Variants in RALGAPA1 observed in about 807,000 individuals in gnomAD.
RALGAPA1 encodes the protein Ral GTPase activating protein catalytic subunit alpha 1.
RALGAPA1 carries 52 observed loss-of-function variants against 269.6 expected under a neutral mutation model. The observed-to-expected ratio is 0.19, with a 90% CI of 0.15 to 0.24. The LOEUF (loss-of-function observed/expected upper bound fraction) is 0.24. Ranked by LOEUF, RALGAPA1 falls within the 10% of genes least tolerant of loss-of-function variation. RALGAPA1 has a pLI of 1.00. For synonymous variants in RALGAPA1, 817 were observed against 1,008.3 expected (o/e 0.81, Z 3.60); for missense variants, 1,917 against 3,013.9 (o/e 0.64, Z 8.52).
intron 35 of RALGAPA1, among the ~76,000 whole-genome samples, chr14:35,609,093 G>C (rs1319002815): frequency 2.0e-5 from 3 of 152,068 alleles, no homozygotes; most frequent in Non-Finnish European, 4.4e-5. Context: ...AGGCGTCGGT[G>C]GGGGGTGCCT....
rs561997384 is a variant in RALGAPA1, at chr14:35,586,709, A to G, written c.7209+8925T>C. On this transcript the variant is annotated intron_variant, in intron 37 of 41. Coordinates refer to ENST00000680220, the MANE Select transcript of RALGAPA1 (RefSeq NM_001346249.2). ...CTTTTCTGCATCTATTGAGATAATC[A>G]TGGATAATCATGTGGTTTTTGTCTT... is the stretch of plus-strand genomic sequence containing the variant. 7.3e-4 allele frequency among the ~76,000 whole-genome samples: 111 copies of G among 152,214 alleles called. 1 individual carries two copies. The South Asian group carries it at 0.022, about 30-fold the overall frequency.
chr14:35,723,761 A>G (rs2069648107), intron 14 of RALGAPA1: 1 of 152,198 alleles, frequency 6.6e-6, no homozygotes, highest in African/African-American at 2.4e-5. Flanking sequence ...AAAGGTTGAA[A>G]TTAAATATTT....
At chr14:35,667,713 T>C (rs1241735688) in intron 26 of RALGAPA1, among the ~76,000 whole-genome samples, 1 of 152,176 alleles carries the variant, frequency 6.6e-6, no homozygotes, top group Non-Finnish European at 1.5e-5. Context: ...GGTGGGAATG[T>C]AAATTAGTAT....
At chr14:35,789,875 T>A (rs900845351) in intron 1 of RALGAPA1, among the ~76,000 whole-genome samples, 7 of 152,118 alleles carry the variant, frequency 4.6e-5, no homozygotes, top group African/African-American at 1.7e-4. Context: ...AAGCCACAAA[T>A]TCCATTTCAC....
intron 10 of RALGAPA1, among the ~76,000 whole-genome samples, chr14:35,746,292 A>T (rs144556372): frequency 1.2e-4 from 18 of 152,302 alleles, no homozygotes; most frequent in African/African-American, 4.1e-4. Context: ...AAATGTACAA[A>T]GGTTCAGTTA....
At position 35,688,685 on chromosome 14, in the gene RALGAPA1, T is replaced by G; in HGVS notation, c.3726A>C (p.Glu1242Asp). Residue 1242 changes from glutamate to aspartate, a missense_variant, in exon 18 of 42, where the codon GAA (glutamate) becomes GAC (aspartate). Glu to Asp is a conservative substitution (Grantham distance 45). Coordinates refer to ENST00000680220, the MANE Select transcript of RALGAPA1 (RefSeq NM_001346249.2). Reference sequence around the variant, plus strand: ...TACCTAATTGACTACTTGCAATTCCTTCTTTTTGTAATATGGTGGTGGGAA... The same window carrying G: ...TACCTAATTGACTACTTGCAATTCCGTCTTTTTGTAATATGGTGGTGGGAA... ...TEIPTTILQKEGIASSQLGSR... is the reference protein window; with the variant it reads ...TEIPTTILQKDGIASSQLGSR... 6.7e-7 allele frequency: 1 copy of G among 1,485,664 alleles called. No individual in the cohort carries two copies. Among genetic ancestry groups the G allele is most frequent in the Non-Finnish European group, 8.9e-7 (1 of 1,125,856 alleles). The allele number at this position is 1,485,664 out of a possible 1,614,324, so 92.0% of individuals were successfully genotyped here.
chr14:35,566,198 T>C (rs1411129599), intron 39 of RALGAPA1, among the ~76,000 whole-genome samples: 1 of 152,076 alleles, frequency 6.6e-6, no homozygotes, highest in Non-Finnish European at 1.5e-5. Flanking sequence ...GTACAAGTAA[T>C]GTAAGAAACA....
intron 35 of RALGAPA1, among the ~76,000 whole-genome samples, chr14:35,606,756 T>TAA (rs200605816): frequency 2.6e-3 from 361 of 141,344 alleles, no homozygotes; most frequent in African/African-American, 5.1e-3. Flanking sequence ...ATGTAGGAAT[T>TAA]AAAAAAAAAA....
rs1567036858 is a variant in RALGAPA1 at position 35,700,300 on chromosome 14, T to C, written c.2269A>G (p.Met757Val). The C allele has an allele frequency of 4.0e-6, 6 of 1,510,410 alleles. No individual in the cohort carries two copies. Among genetic ancestry groups the C allele is most frequent in the South Asian group, 1.3e-5 (1 of 78,834 alleles). The allele number at this position is 1,510,410 out of a possible 1,614,324, so 93.6% of individuals were successfully genotyped here. The change falls in exon 17 of 42, where the codon ATG (methionine) becomes GTG (valine). Residue 757 changes from methionine to valine, a missense_variant and splice_region_variant. By Grantham distance (21) the Met-to-Val change is conservative. This residue lies in a region of RALGAPA1 where 125 missense variants were observed against 155.7 expected (regional missense o/e 0.80). Coordinates refer to ENST00000680220, the MANE Select transcript of RALGAPA1 (RefSeq NM_001346249.2). ...CATTCACCAATGGATCGGCTTCTCA[T>C]GGCTTTAAAAAAGGAAAAGAAAGAA... ...RSIVRQKTVAMRSRSIGECAL... is the reference protein window; with the variant it reads ...RSIVRQKTVAVRSRSIGECAL...
intron 36 of RALGAPA1, among the ~76,000 whole-genome samples, chr14:35,599,023 C>CA (rs1343560980): frequency 6.6e-6 from 1 of 152,152 alleles, no homozygotes. Flanking sequence ...CTATGTCTTA[C>CA]ATTATATATA....
chr14:35,677,068 T>C (rs1434205019), intron 22 of RALGAPA1: 1 of 152,010 alleles, frequency 6.6e-6, no homozygotes, highest in African/African-American at 2.4e-5. Flanking sequence ...TTGGGCCGGG[T>C]GTGGTGGCTC....
intron 1 of RALGAPA1, among the ~76,000 whole-genome samples, chr14:35,778,071 T>C (rs191270492): frequency 0.015 from 2,192 of 148,180 alleles, 44 homozygotes; most frequent in Admixed American, 0.036. Context: ...CATTACAATT[T>C]TGGGGGGGAG....
chr14:35,591,076 A>T (rs2058605164), intron 37 of RALGAPA1, among the ~76,000 whole-genome samples: 1 of 152,204 alleles, frequency 6.6e-6, no homozygotes, highest in East Asian at 1.9e-4. Context: ...CTGTACTCTG[A>T]GGTATCTCTG....
intron 31 of RALGAPA1, among the ~76,000 whole-genome samples, chr14:35,650,055 G>C (rs150014883): frequency 2.0e-5 from 3 of 152,088 alleles, no homozygotes; most frequent in Non-Finnish European, 4.4e-5. Context: ...CATAGCCTGC[G>C]ACACTAAAGC....
Position 35,674,101 on chromosome 14 carries a change from A to C in RALGAPA1, c.4917+79T>G. The C allele has an allele frequency of 7.1e-6, 8 of 1,126,596 alleles. No homozygotes were observed. The South Asian group carries it at 1.2e-4, about 16-fold the overall frequency. 69.8% of individuals were successfully genotyped at this position (1,126,596 alleles called of 1,614,324 possible). A position where few individuals can be genotyped will look rare whatever the true frequency, so the allele number is the denominator to read the frequency against. On this transcript the variant is annotated intron_variant, in intron 24 of 41. Transcript: ENST00000680220. ...AACTAAGTGCTCTAGAAGTCTATATAATAGCCAAAATCTCTATAAAAAGTT... is the reference window on the plus strand; with the variant it reads ...AACTAAGTGCTCTAGAAGTCTATATCATAGCCAAAATCTCTATAAAAAGTT...
At chr14:35,594,659 G>A (rs1325000154) in intron 37 of RALGAPA1, among the ~76,000 whole-genome samples, 1 of 151,358 alleles carries the variant, frequency 6.6e-6, no homozygotes, top group Non-Finnish European at 1.5e-5. Context: ...CATCGGTAAG[G>A]ATGTGGAGAA....
At chr14:35,554,369 C>T (rs1212870435) in intron 39 of RALGAPA1, among the ~76,000 whole-genome samples, 2 of 94,386 alleles carry the variant, frequency 2.1e-5, no homozygotes, top group African/African-American at 8.7e-5. Context: ...TTTTTTGAGA[C>T]GGAGTCTCAC....
chr14:35,766,875 A>G, intron 4 of RALGAPA1: 1 of 443,876 alleles, frequency 2.3e-6, no homozygotes, highest in Non-Finnish European at 4.4e-6. Flanking sequence ...ATTTTTACAC[A>G]GGCTGTAAAC....
At chr14:35,543,980 C>CAA (rs2054237091) in intron 41 of RALGAPA1, among the ~76,000 whole-genome samples, 1 of 152,084 alleles carries the variant, frequency 6.6e-6, no homozygotes, top group African/African-American at 2.4e-5. Context: ...GAAATAAAGG[C>CAA]AAACATGTGG....
Sources: allele counts gnomAD v4.1 joint callset (sites outside exome capture counted in the v4.1 genomes callset), GRCh38; gene constraint gnomAD v4.1.1; regional missense constraint gnomAD v4.1.1; transcripts MANE v1.5; gene names NCBI Gene and HGNC (gene_info 2026-07-23, HGNC 2026-07-21).